ETV1: variants seen among roughly 807,000 people sequenced by gnomAD.
The protein encoded by ETV1 is ETS translocation variant 1.
In ETV1, 27 loss-of-function variants were observed where a neutral mutation model predicts 62.3. The ratio of observed to expected loss-of-function variants is 0.43; its 90% confidence interval spans 0.32 to 0.60. ETV1 has a LOEUF of 0.60. Ranked by LOEUF, ETV1 falls within the 20% of genes least tolerant of loss-of-function variation. The pLI is 0.06. For missense variants in ETV1, 605 were observed against 605.8 expected, an observed-to-expected ratio of 1.00 and a Z score of 0.01; for synonymous variants, 222 against 199.6, an observed-to-expected ratio of 1.11 and a Z score of -0.94.
intron 6 of ETV1, among the ~76,000 whole-genome samples, chr7:13,974,248 C>T (rs1284611521): frequency 6.6e-6 from 1 of 152,118 alleles, no homozygotes; most frequent in Non-Finnish European, 1.5e-5. Flanking sequence ...AAAATGAACA[C>T]ATGCAAGGGC....
Position 13,957,277 on chromosome 7 carries a change from G to A in ETV1, c.236-18031C>T, listed in dbSNP as rs113021370. ...ATTTTTTGTATTTTTTAGTAGTGACGGGGTTTCACCGTGTTAGCCAGGATG... is the reference window on the plus strand; with the variant it reads ...ATTTTTTGTATTTTTTAGTAGTGACAGGGTTTCACCGTGTTAGCCAGGATG... On this transcript the variant is annotated intron_variant, in intron 6 of 13. Coordinates refer to ENST00000430479, the MANE Select transcript of ETV1 (RefSeq NM_004956.5). 3.6e-3 allele frequency among the ~76,000 whole-genome samples: 542 copies of A among 151,932 alleles called. 9 individuals are homozygous for A. Among genetic ancestry groups the A allele is most frequent in the South Asian group, 0.033 (156 of 4,798 alleles).
intron 6 of ETV1, among the ~76,000 whole-genome samples, chr7:13,942,245 G>T (rs1371850541): frequency 6.6e-6 from 1 of 151,860 alleles, no homozygotes; most frequent in Middle Eastern, 3.2e-3. Flanking sequence ...GGATGGTCTC[G>T]ATCTCCTGAC....
At chr7:13,986,328 T>C (rs1039467177) in intron 5 of ETV1, 4 of 1,491,650 alleles carry the variant, frequency 2.7e-6, no homozygotes, top group East Asian at 5.0e-5. Flanking sequence ...AATATAAACC[T>C]GATCAATTGC....
intron 9 of ETV1, 26 bp downstream of exon 9, chr7:13,931,476 G>A (rs1238569045): frequency 1.2e-6 from 2 of 1,613,174 alleles, no homozygotes; most frequent in Middle Eastern, 1.7e-4. Context: ...TGCCTTGAAT[G>A]TAATTTGCGC....
chr7:13,909,534 G>T, intron 11 of ETV1, 98 bp downstream of exon 11: 1 of 853,664 alleles, frequency 1.2e-6, no homozygotes, highest in Non-Finnish European at 2.0e-6. Flanking sequence ...ATGTGCATAG[G>T]AATCTTTAAG....
chr7:13,972,488 C>A (rs1159191685), intron 6 of ETV1, among the ~76,000 whole-genome samples: 1 of 152,088 alleles, frequency 6.6e-6, no homozygotes, highest in African/African-American at 2.4e-5. Context: ...TTAAAGTAAA[C>A]AATTTAGGAA....
At chr7:13,966,245 G>A (rs2128488546) in intron 6 of ETV1, among the ~76,000 whole-genome samples, 1 of 152,208 alleles carries the variant, frequency 6.6e-6, no homozygotes, top group Admixed American at 6.5e-5. Flanking sequence ...TTTTAGCATA[G>A]GTCAACAAGG....
At chr7:13,989,539 T>C (rs190037409) in intron 1 of ETV1, 24 bp downstream of exon 1, 1 of 399,012 alleles carries the variant, frequency 2.5e-6, no homozygotes, top group East Asian at 3.6e-5. Context: ...TGGAGAGACA[T>C]AAAAAGTTGT....
In ETV1 at chr7:13,969,636, A is replaced by G. The variant is rs748179484; in HGVS notation, c.235+7791T>C. Among the ~76,000 whole-genome samples, 252 of 152,324 alleles carry G rather than the reference A, an allele frequency of 1.7e-3. 1 individual carries two copies. Among genetic ancestry groups the G allele is most frequent in the Non-Finnish European group, 4.4e-4 (30 of 68,024 alleles). ...CTGTAATGTCAAGCTCTCACAGGAT[A>G]GGAAACAGGAAGCTGCATTTGCACA... On this transcript the variant is annotated intron_variant, in intron 6 of 13. Coordinates refer to ENST00000430479, the MANE Select transcript of ETV1 (RefSeq NM_004956.5).
chr7:13,985,748 TCA>T (rs1456828443), intron 5 of ETV1, among the ~76,000 whole-genome samples: 1 of 152,180 alleles, frequency 6.6e-6, no homozygotes, highest in Admixed American at 6.5e-5. Flanking sequence ...AATTAATGTT[TCA>T]CATTTGTATG....
At chr7:13,937,096 TAGAA>T (rs1172066496) in intron 7 of ETV1, among the ~76,000 whole-genome samples, 1 of 152,176 alleles carries the variant, frequency 6.6e-6, no homozygotes, top group African/African-American at 2.4e-5. Context: ...CTTTTTTCTT[TAGAA>T]AGAAATATTT....
intron 9 of ETV1, among the ~76,000 whole-genome samples, chr7:13,911,762 T>C (rs1783592366): frequency 1.3e-5 from 2 of 152,230 alleles, no homozygotes; most frequent in African/African-American, 4.8e-5. Flanking sequence ...TATTATGCTA[T>C]TATACTATGC....
chr7:13,910,858 A>T (rs1783490189), intron 10 of ETV1, among the ~76,000 whole-genome samples: 1 of 152,222 alleles, frequency 6.6e-6, no homozygotes, highest in Non-Finnish European at 1.5e-5. Context: ...GAAAACCTTT[A>T]AATCGATGGC....
chr7:13,939,029 T>C, intron 7 of ETV1, 88 bp downstream of exon 7: 1 of 1,347,784 alleles, frequency 7.4e-7, no homozygotes, highest in Non-Finnish European at 1.0e-6. Flanking sequence ...ACGTTACTCA[T>C]AAAATATGAC....
At chr7:13,948,760 T>C (rs1045327779) in intron 6 of ETV1, among the ~76,000 whole-genome samples, 3 of 152,046 alleles carry the variant, frequency 2.0e-5, no homozygotes, top group Non-Finnish European at 2.9e-5. Context: ...ATATAGTCTA[T>C]AATAAAAAAA....
intron 4 of ETV1, among the ~76,000 whole-genome samples, chr7:13,987,442 A>G (rs1040861190): frequency 6.6e-5 from 10 of 152,298 alleles, no homozygotes; most frequent in African/African-American, 2.2e-4. Context: ...ATGTCCTCAT[A>G]TGGCTAAAAT....
chr7:13,986,049 AT>A, intron 5 of ETV1: 3 of 1,273,178 alleles, frequency 2.4e-6, no homozygotes, highest in Non-Finnish European at 2.2e-6. Context: ...CATGGAAAAC[AT>A]TTTTAAAATC....
intron 9 of ETV1, among the ~76,000 whole-genome samples, chr7:13,923,746 G>A (rs1785108566): frequency 6.6e-6 from 1 of 151,992 alleles, no homozygotes. Context: ...TTTAAATGAA[G>A]AATGGGCCAG....
Position 13,975,523 on chromosome 7 carries a change from A to G in ETV1, c.235+1904T>C, listed in dbSNP as rs906322841. ...GCTTGCAGTGAGCCAAGATTGCACCACTGCACTAGAGCCTGGGCAACAGGG... is the reference window on the plus strand; with the variant it reads ...GCTTGCAGTGAGCCAAGATTGCACCGCTGCACTAGAGCCTGGGCAACAGGG... On this transcript the variant is annotated intron_variant, in intron 6 of 13. Transcript: ENST00000430479. 4.8e-4 allele frequency among the ~76,000 whole-genome samples: 71 copies of G among 148,716 alleles called. 1 individual carries two copies. The highest frequency in any genetic ancestry group is 3.4e-4 in the Admixed American group (5 of 14,684).
Sources: allele counts gnomAD v4.1 joint callset (sites outside exome capture counted in the v4.1 genomes callset), GRCh38; gene constraint gnomAD v4.1.1; transcripts MANE v1.5; gene names NCBI Gene and HGNC (gene_info 2026-07-23, HGNC 2026-07-21).